CALN1: variants seen among roughly 807,000 people sequenced by gnomAD.
CALN1 encodes the protein calcium-binding protein 8.
In CALN1, 17 loss-of-function variants were observed where a neutral mutation model predicts 30.6. The observed-to-expected ratio is 0.56, with a 90% confidence interval of 0.38 to 0.83. The LOEUF is 0.83. Ranked by LOEUF, CALN1 falls within the 40% of genes least tolerant of loss-of-function variation. The pLI, the probability that CALN1 is intolerant of heterozygous loss-of-function variation, is 0.00. For missense variants in CALN1, 291 were observed against 354.9 expected (o/e 0.82, Z 1.45); for synonymous variants, 156 against 131.4 (o/e 1.19, Z -1.28).
At chr7:71,992,454 T>A (rs1416641714) in intron 5 of CALN1, among the ~76,000 whole-genome samples, 1 of 152,180 alleles carries the variant, frequency 6.6e-6, no homozygotes, top group Non-Finnish European at 1.5e-5. Context: ...ACTCCTTGGC[T>A]TGAGCCATCC....
At chr7:71,842,129 T>C (rs1161609367) in intron 5 of CALN1, among the ~76,000 whole-genome samples, 1 of 152,216 alleles carries the variant, frequency 6.6e-6, no homozygotes, top group Non-Finnish European at 1.5e-5. Flanking sequence ...TGGAGATAGC[T>C]AGATACTAGG....
chr7:71,994,871 G>A (rs539965943), intron 5 of CALN1, among the ~76,000 whole-genome samples: 3 of 123,106 alleles, frequency 2.4e-5, no homozygotes, highest in Non-Finnish European at 5.1e-5. Flanking sequence ...TTTTTTTTTC[G>A]AGACGGAGTC....
chr7:72,079,505 T>A (rs757046013), intron 4 of CALN1, among the ~76,000 whole-genome samples: 1 of 152,162 alleles, frequency 6.6e-6, no homozygotes, highest in African/African-American at 2.4e-5. Flanking sequence ...ACGAGAGTAA[T>A]TGGTGTTTGC....
intron 3 of CALN1, among the ~76,000 whole-genome samples, chr7:72,269,790 C>A (rs375064474): frequency 6.6e-6 from 1 of 152,160 alleles, no homozygotes; most frequent in Non-Finnish European, 1.5e-5. Flanking sequence ...CAAATATTCA[C>A]AGGCATGCAA....
intron 5 of CALN1, among the ~76,000 whole-genome samples, chr7:71,905,202 G>A (rs1794064671): frequency 6.6e-6 from 1 of 152,120 alleles, no homozygotes; most frequent in Admixed American, 6.6e-5. Context: ...GGTTCCCAAA[G>A]TGCTAGGATT....
chr7:72,147,997 C>T lies in CALN1; in HGVS notation c.245-41703G>A, dbSNP rs573265125. Among the ~76,000 whole-genome samples, 150 of 150,024 alleles carry T rather than the reference C, an allele frequency of 1.0e-3. 2 individuals carry two copies. In the South Asian group the frequency reaches 0.029, roughly 29 times the overall value. ...TTAGGAGATATACTAATGTAAATGA[C>T]GAGTTAATAGGTGCAGCACACCAAC... On this transcript the variant is annotated intron_variant, in intron 3 of 6. Transcript: ENST00000395275.
At chr7:72,489,106 C>T in the CALN1 span, among the ~76,000 whole-genome samples, 1 of 152,110 alleles carries the variant, frequency 6.6e-6, no homozygotes, top group Non-Finnish European at 1.5e-5. Context: ...AACCCTCCAC[C>T]CATGTGAAGA....
intron 5 of CALN1, among the ~76,000 whole-genome samples, chr7:71,864,823 G>C (rs1791494777): frequency 6.6e-6 from 1 of 152,108 alleles, no homozygotes. Context: ...CCAACATGGT[G>C]AAACTCTGTC....
At chr7:72,430,964 A>ATT (rs781481392) in intron 1 of CALN1, among the ~76,000 whole-genome samples, 1,937 of 118,940 alleles carry the variant, frequency 0.016, 58 homozygotes, top group African/African-American at 0.042. Context: ...AAGCCAAGCT[A>ATT]TTTTTTTTTT....
intron 4 of CALN1, among the ~76,000 whole-genome samples, chr7:72,045,996 CAAAAAA>C (rs34011098): frequency 3.3e-5 from 3 of 90,752 alleles, no homozygotes; most frequent in Non-Finnish European, 6.5e-5. Context: ...GACTCCCTCT[CAAAAAA>C]AAAAAAAAAA....
chr7:72,166,511 C>G (rs767360735), intron 3 of CALN1, among the ~76,000 whole-genome samples: 4 of 152,170 alleles, frequency 2.6e-5, no homozygotes, highest in Non-Finnish European at 5.9e-5. Flanking sequence ...ATTAAGTGAG[C>G]AGTGATTGTC....
intron 4 of CALN1, among the ~76,000 whole-genome samples, chr7:72,076,044 C>T (rs879436982): frequency 6.6e-6 from 1 of 152,042 alleles, no homozygotes; most frequent in Non-Finnish European, 1.5e-5. Flanking sequence ...TTCTTGAGCA[C>T]CTATGAAATG....
intron 3 of CALN1, among the ~76,000 whole-genome samples, chr7:72,278,238 A>G (rs573092): frequency 0.58 from 87,444 of 151,794 alleles, 25,531 homozygotes; most frequent in African/African-American, 0.65. Context: ...TTCTGATCTG[A>G]ACAGGATTCA....
intron 5 of CALN1, among the ~76,000 whole-genome samples, chr7:71,919,868 T>C (rs1421658942): frequency 2.6e-5 from 4 of 152,212 alleles, no homozygotes; most frequent in African/African-American, 9.6e-5. Flanking sequence ...GGATTTCTTG[T>C]GTCTGTAAGT....
At chr7:72,066,592 C>T (rs574560303) in intron 4 of CALN1, among the ~76,000 whole-genome samples, 1 of 152,052 alleles carries the variant, frequency 6.6e-6, no homozygotes, top group South Asian at 2.1e-4. Context: ...CTTCGATCTG[C>T]CTTTGTAGAC....
At chr7:71,840,620 T>A (rs966859342) in intron 5 of CALN1, among the ~76,000 whole-genome samples, 3 of 152,082 alleles carry the variant, frequency 2.0e-5, no homozygotes, top group African/African-American at 7.2e-5. Context: ...CGGAGAGACC[T>A]GTGACTGTAT....
intron 4 of CALN1, among the ~76,000 whole-genome samples, chr7:72,073,099 A>G (rs1804510928): frequency 6.6e-6 from 1 of 152,208 alleles, no homozygotes; most frequent in African/African-American, 2.4e-5. Flanking sequence ...ATGTGCTACA[A>G]TATGGGAGAA....
intron 4 of CALN1, among the ~76,000 whole-genome samples, chr7:72,073,610 C>CCTTT (rs36117948): frequency 0.21 from 31,740 of 150,996 alleles, 3,561 homozygotes; most frequent in Admixed American, 0.28. Context: ...TGCATTTAGT[C>CCTTT]CTTTCTTTCT....
chr7:72,392,703 C>T (rs1317729541), intron 2 of CALN1, among the ~76,000 whole-genome samples: 1 of 152,148 alleles, frequency 6.6e-6, no homozygotes, highest in Admixed American at 6.5e-5. Flanking sequence ...CAGGTCAATG[C>T]AGTGGCACAT....
Sources: gnomAD v4.1 joint callset for allele counts (sites outside exome capture counted in the v4.1 genomes callset) on GRCh38, gnomAD v4.1.1 for gene constraint, MANE v1.5 for transcripts, NCBI Gene and HGNC (gene_info 2026-07-23, HGNC 2026-07-21) for gene names.